Variants in RIMS1 observed in about 807,000 individuals in gnomAD.
RIMS1 encodes regulating synaptic membrane exocytosis protein 1.
Under a neutral mutation model 214.1 loss-of-function variants are expected in RIMS1, and 83 were observed. The observed-to-expected ratio is 0.39, with a 90% CI of 0.32 to 0.47. The LOEUF (loss-of-function observed/expected upper bound fraction) is 0.47, where lower values mean the gene tolerates loss of function less well. Ranked by LOEUF, RIMS1 falls within the 20% of genes least tolerant of loss-of-function variation. The pLI is 0.99. For synonymous variants in RIMS1, 793 were observed against 786.8 expected, an observed-to-expected ratio of 1.01 and a Z score of -0.13; for missense variants, 2,050 against 2,161.8, an observed-to-expected ratio of 0.95 and a Z score of 1.03.
chr6:72,204,315 G>GGTGC (rs1419760051), intron 6 of RIMS1, among the ~76,000 whole-genome samples: 2 of 152,144 alleles, frequency 1.3e-5, no homozygotes, highest in Non-Finnish European at 2.9e-5. Flanking sequence ...CATTCCAGTC[G>GGTGC]GTGCGGTGGT....
chr6:72,196,579 A>AATTTTTTTTTTTTTT lies in RIMS1; in HGVS notation c.1678+13430_1678+13431insATTTTTTTTTTTTTT, dbSNP rs1562552453. Reference sequence around the variant, plus strand: ...AAGTACTGTGCTGGCAGCCAGCTGCACTTTTTTTTTTTTTTTTTTTTTTTA... The same window carrying AATTTTTTTTTTTTTT: ...AAGTACTGTGCTGGCAGCCAGCTGCAATTTTTTTTTTTTTTCTTTTTTTTTTTTTTTTTTTTTTTA... On this transcript the variant is annotated intron_variant, in intron 6 of 33. Transcript: ENST00000521978. 1.2e-4 allele frequency among the ~76,000 whole-genome samples: 4 copies of AATTTTTTTTTTTTTT among 32,652 alleles called. 1 individual carries two copies. The East Asian group carries it at 0.013, about 106-fold the overall frequency. 21.4% of individuals were successfully genotyped at this position (32,652 alleles called of 152,430 possible).
chr6:71,998,066 G>A (rs1804019412), intron 2 of RIMS1, among the ~76,000 whole-genome samples: 1 of 152,070 alleles, frequency 6.6e-6, no homozygotes, highest in Non-Finnish European at 1.5e-5. Flanking sequence ...GCAAAGATTA[G>A]AGAAGCTTCT....
intron 26 of RIMS1, among the ~76,000 whole-genome samples, chr6:72,306,031 G>A (rs2095121056): frequency 6.6e-6 from 1 of 151,918 alleles, no homozygotes; most frequent in African/African-American, 2.4e-5. Context: ...GTGTGTGTTG[G>A]CGTTTTATAA....
intron 4 of RIMS1, among the ~76,000 whole-genome samples, chr6:72,170,083 C>T (rs2046813304): frequency 6.6e-6 from 1 of 152,304 alleles, no homozygotes. Flanking sequence ...CTCGGCTCCA[C>T]CTGTGCCTTG....
intron 31 of RIMS1, among the ~76,000 whole-genome samples, chr6:72,394,685 T>C (rs77088846): frequency 6.6e-6 from 1 of 151,866 alleles, no homozygotes; most frequent in African/African-American, 2.4e-5. Context: ...TATAGAACAA[T>C]TGGGGATATG....
At chr6:71,934,853 CT>C (rs989930462) in intron 1 of RIMS1, among the ~76,000 whole-genome samples, 4 of 152,114 alleles carry the variant, frequency 2.6e-5, no homozygotes, top group African/African-American at 9.7e-5. Context: ...ATAAATGCCC[CT>C]GAATTGTATT....
At chr6:72,298,133 C>T (rs577535996) in intron 26 of RIMS1, among the ~76,000 whole-genome samples, 111 of 151,928 alleles carry the variant, frequency 7.3e-4, no homozygotes, top group African/African-American at 2.5e-3. Flanking sequence ...TCTAAGCAAA[C>T]GAGGATGGTT....
At chr6:72,363,322 C>T (rs1416007313) in intron 29 of RIMS1, among the ~76,000 whole-genome samples, 1 of 152,098 alleles carries the variant, frequency 6.6e-6, no homozygotes, top group African/African-American at 2.4e-5. Flanking sequence ...TTCTTAAGAG[C>T]AAGTTAGGGC....
chr6:72,147,833 A>T (rs1224713938), intron 4 of RIMS1, among the ~76,000 whole-genome samples: 2 of 152,152 alleles, frequency 1.3e-5, no homozygotes, highest in African/African-American at 4.8e-5. Context: ...TTTTGAACTC[A>T]TAGAGGGGCA....
In RIMS1 at chr6:72,283,922, T is replaced by C. The variant is rs1285447359; in HGVS notation, c.3483-125T>C. On this transcript the variant is annotated intron_variant, in intron 23 of 33. Transcript: ENST00000521978. ...TATTTGTTTATTTAGTTTTGAAAAG[T>C]ACTGACTGACAAAATCATTTAGGTA... 4.4e-6 allele frequency: 3 copies of C among 684,990 alleles called. No individual in the cohort carries two copies. The African/African-American group carries it at 5.4e-5, about 12-fold the overall frequency. 42.4% of individuals were successfully genotyped at this position (684,990 alleles called of 1,614,324 possible).
intron 4 of RIMS1, among the ~76,000 whole-genome samples, chr6:72,123,109 A>G (rs915974726): frequency 6.6e-6 from 1 of 151,634 alleles, no homozygotes; most frequent in African/African-American, 2.4e-5. Context: ...GTGGGCATTT[A>G]GTGCTATAGA....
chr6:72,289,464 G>A (rs2092972718), intron 24 of RIMS1, among the ~76,000 whole-genome samples: 1 of 152,130 alleles, frequency 6.6e-6, no homozygotes, highest in Admixed American at 6.5e-5. Context: ...TGAGGTAACA[G>A]CCCAGGTTTC....
intron 6 of RIMS1, among the ~76,000 whole-genome samples, chr6:72,229,561 G>C (rs1249326325): frequency 6.6e-6 from 1 of 151,806 alleles, no homozygotes; most frequent in Non-Finnish European, 1.5e-5. Flanking sequence ...GGACTTTGCT[G>C]TATAGCAAAT....
At chr6:72,358,760 C>T in intron 29 of RIMS1, among the ~76,000 whole-genome samples, 1 of 152,010 alleles carries the variant, frequency 6.6e-6, no homozygotes, top group Admixed American at 6.6e-5. Context: ...GGAAAGACAC[C>T]TTTTGCATTG....
chr6:72,327,615 A>T (rs768644888), intron 28 of RIMS1, among the ~76,000 whole-genome samples: 1 of 151,776 alleles, frequency 6.6e-6, no homozygotes, highest in Non-Finnish European at 1.5e-5. Flanking sequence ...CAGCTGCATC[A>T]CTTTACATCC....
rs1368675588 is a variant in RIMS1 at position 72,402,696 on chromosome 6, T to C, written c.*1982T>C. On this transcript the variant is annotated 3_prime_UTR_variant, in exon 34 of 34. Coordinates refer to ENST00000521978, the MANE Select transcript of RIMS1 (RefSeq NM_014989.7). ...TGGCCAACAATCAACTGATTATAAT[T>C]GGGTAGTATCTTTCTATTTTGACCA... is the stretch of plus-strand genomic sequence containing the variant. 6.6e-6 allele frequency: 1 copy of C among 152,634 alleles called. No individual in the cohort carries two copies. Among genetic ancestry groups the C allele is most frequent in the Non-Finnish European group, 1.5e-5 (1 of 68,032 alleles). The allele number at this position is 152,634 out of a possible 1,614,324, so 9.5% of individuals were successfully genotyped here. A position where few individuals can be genotyped will look rare whatever the true frequency, so the allele number is the denominator to read the frequency against.
At chr6:72,358,367 CTTTTT>C (rs1215249154) in intron 29 of RIMS1, among the ~76,000 whole-genome samples, 1 of 151,556 alleles carries the variant, frequency 6.6e-6, no homozygotes, top group South Asian at 2.1e-4. Context: ...GTACTTTTCT[CTTTTT>C]TTTAGTGAGT....
At chr6:72,051,267 CT>C (rs1208036339) in intron 2 of RIMS1, among the ~76,000 whole-genome samples, 1 of 152,054 alleles carries the variant, frequency 6.6e-6, no homozygotes, top group African/African-American at 2.4e-5. Context: ...CTCAACTTTT[CT>C]TTTATCAAGG....
chr6:72,249,928 T>A (rs1351520548), intron 12 of RIMS1, among the ~76,000 whole-genome samples: 1 of 152,168 alleles, frequency 6.6e-6, no homozygotes, highest in Non-Finnish European at 1.5e-5. Context: ...TAACTACCTG[T>A]GACACCAGAG....
Sources: gnomAD v4.1 joint callset for allele counts (sites outside exome capture counted in the v4.1 genomes callset) on GRCh38, gnomAD v4.1.1 for gene constraint, MANE v1.5 for transcripts, NCBI Gene and HGNC (gene_info 2026-07-23, HGNC 2026-07-21) for gene names.